Variants in PRKD2 observed in about 807,000 individuals in gnomAD.
The protein encoded by PRKD2 is serine/threonine-protein kinase D2.
A neutral mutation model predicts 86.0 loss-of-function variants in PRKD2; 22 were observed. The ratio of observed to expected loss-of-function variants is 0.26; its 90% CI spans 0.18 to 0.37. The LOEUF (loss-of-function observed/expected upper bound fraction) is 0.37. Among genes scored for constraint, PRKD2 ranks in the 10% least tolerant of loss-of-function variants. PRKD2 has a pLI of 1.00. For synonymous variants in PRKD2, 509 were observed against 510.9 expected (o/e 1.00, Z 0.05); for missense variants, 818 against 1,199.2 (o/e 0.68, Z 4.70).
In PRKD2 at chr19:46,704,282, G is replaced by C. The variant is rs145571238; in HGVS notation, c.776C>G (p.Ser259Cys). ...RPIELDKMLL[S>C]KVKVPHTFLI... Reference sequence around the variant, plus strand: ...GAAGGTGTGCGGCACCTTGACCTTGGAGAGCAGCATCTTGTCCAGCTCAAT... The same window carrying C: ...GAAGGTGTGCGGCACCTTGACCTTGCAGAGCAGCATCTTGTCCAGCTCAAT... The change falls in exon 5 of 18, where the codon TCC becomes TGC. Residue 259 changes from serine (S) to cysteine (C), a missense_variant. Transcript: ENST00000291281. 145 of 1,614,250 alleles carry C rather than the reference G, an allele frequency of 9.0e-5. No individual in the cohort carries two copies. In the African/African-American group the frequency reaches 1.4e-3, roughly 16 times the overall value.
Position 46,678,457 on chromosome 19 carries a change from G to T in PRKD2, c.2277C>A (p.Asp759Glu), listed in dbSNP as rs2053245937. ...ACATGAAGGCGGCGTTCTGGATCTG[G>T]TCATTGATGTCCTCATCCTCGTTGA... Reference protein sequence around the residue: ...FPFNEDEDINDQIQNAAFMYP... With the variant: ...FPFNEDEDINEQIQNAAFMYP... Residue 759 changes from aspartate to glutamate, a missense_variant, in exon 16 of 18, where the codon GAC becomes GAA. Coordinates refer to ENST00000291281, the MANE Select transcript of PRKD2 (RefSeq NM_016457.5). This position sits in a 1 kb window ranked among gnomAD's most constrained non-coding sequence, Gnocchi z 5.7. 6.2e-7 allele frequency: 1 copy of T among 1,614,202 alleles called. No homozygotes were observed. Among genetic ancestry groups the T allele is most frequent in the Non-Finnish European group, 8.5e-7 (1 of 1,180,036 alleles).
chr19:46,690,795 C>T lies in PRKD2; in HGVS notation c.1703-89G>A, dbSNP rs1009946632. ...TCTCCACCTCTGCCAACCTCTGCCCCCCACCATGGAGACAGCCAGAGTTGG... is the reference window on the plus strand; with the variant it reads ...TCTCCACCTCTGCCAACCTCTGCCCTCCACCATGGAGACAGCCAGAGTTGG... On this transcript the variant is annotated intron_variant, in intron 12 of 17. Transcript: ENST00000291281. The T allele has an allele frequency of 3.8e-5, 46 of 1,214,272 alleles. No individual in the cohort carries two copies. The African/African-American group carries it at 5.9e-4, about 16-fold the overall frequency. 75.2% of individuals were successfully genotyped at this position (1,214,272 alleles called of 1,614,324 possible).
chr19:46,701,824 A>G (rs1032171010), intron 5 of PRKD2, among the ~76,000 whole-genome samples: 1 of 151,780 alleles, frequency 6.6e-6, no homozygotes, highest in Admixed American at 6.6e-5. Context: ...TGCATCTCTG[A>G]CTTCTACCTA....
At chr19:46,702,121 C>T (rs1053347833) in intron 5 of PRKD2, among the ~76,000 whole-genome samples, 2 of 151,316 alleles carry the variant, frequency 1.3e-5, no homozygotes, top group African/African-American at 4.9e-5. Flanking sequence ...TCACTGCAAC[C>T]TCTGCCTCCC....
chr19:46,704,312 C>T lies in PRKD2; in HGVS notation c.746G>A (p.Arg249His), dbSNP rs1026152619. The change falls in exon 5 of 18, where the codon CGC (arginine) becomes CAC (histidine). Residue 249 changes from arginine (R) to histidine (H), a missense_variant. This residue lies in a region of PRKD2 where 403 missense variants were observed against 518.6 expected (regional missense o/e 0.78). Transcript: ENST00000291281. The part of the protein sequence containing the change: ...SSSSASSYTG[R>H]PIELDKMLLS... ...CAGCATCTTGTCCAGCTCAATGGGG[C>T]GGCCCGTATACGATGAGGCAGAAGA... The T allele has an allele frequency of 4.3e-6, 7 of 1,614,158 alleles. No individual in the cohort carries two copies. The highest frequency in any genetic ancestry group is 5.9e-6 in the Non-Finnish European group (7 of 1,180,020).
At chr19:46,706,995 A>C (rs1341903425) in intron 3 of PRKD2, among the ~76,000 whole-genome samples, 1 of 151,442 alleles carries the variant, frequency 6.6e-6, no homozygotes, top group Non-Finnish European at 1.5e-5. Context: ...TCAGGTTCAA[A>C]TGATTCTCCT....
At position 46,704,397 on chromosome 19, in the gene PRKD2, G is replaced by A. The variant is rs11083846; in HGVS notation, c.667-6C>T. ...AGTTCGGTGGTGCTACGGCTCTGTC[G>A]TTGGCAAGAATGGAGGGGACACATC... is the stretch of plus-strand genomic sequence containing the variant. On this transcript the variant is annotated splice_polypyrimidine_tract_variant and splice_region_variant and intron_variant, in intron 4 of 17. Transcript: ENST00000291281. 330,384 of 1,613,770 alleles carry A rather than the reference G, an allele frequency of 0.2. 36,625 individuals carry two copies. Among genetic ancestry groups the A allele is most frequent in the Non-Finnish European group, 0.23 (270,328 of 1,179,940 alleles).
At chr19:46,684,030 A>T (rs201078796) in intron 14 of PRKD2, among the ~76,000 whole-genome samples, 1 of 151,452 alleles carries the variant, frequency 6.6e-6, no homozygotes, top group East Asian at 1.9e-4. Flanking sequence ...ACCAGAAGCA[A>T]TTGTACAACT....
chr19:46,687,776 A>C (rs1024589964), intron 14 of PRKD2, among the ~76,000 whole-genome samples: 4 of 152,186 alleles, frequency 2.6e-5, no homozygotes, highest in African/African-American at 9.6e-5. Flanking sequence ...CTCAACACTG[A>C]CCAGCAAGGG....
intron 15 of PRKD2, among the ~76,000 whole-genome samples, chr19:46,680,590 G>A (rs147367451): frequency 5.2e-4 from 78 of 151,398 alleles, no homozygotes; most frequent in African/African-American, 1.8e-3. Context: ...CGCTCAACCA[G>A]AAAACTTTTA....
chr19:46,708,271 C>T (rs1353081805), intron 3 of PRKD2, among the ~76,000 whole-genome samples: 6 of 148,620 alleles, frequency 4.0e-5, no homozygotes, highest in Non-Finnish European at 7.4e-5. Flanking sequence ...TAATTGAGGC[C>T]GAAAGAGTGT....
chr19:46,698,158 G>A (rs2053587921), intron 7 of PRKD2, among the ~76,000 whole-genome samples: 1 of 151,986 alleles, frequency 6.6e-6, no homozygotes, highest in Non-Finnish European at 1.5e-5. Flanking sequence ...TGACCATTAG[G>A]TGCACGCCAC....
At chr19:46,714,373 C>T (rs2053852926) in intron 1 of PRKD2, 1 of 941,066 alleles carries the variant, frequency 1.1e-6, no homozygotes, top group Non-Finnish European at 1.3e-6. Context: ...CGCCCCCCAG[C>T]TTCCTTCCTG....
chr19:46,681,047 G>A (rs1384119700), intron 15 of PRKD2, among the ~76,000 whole-genome samples: 1 of 147,440 alleles, frequency 6.8e-6, no homozygotes, highest in East Asian at 2.0e-4. Flanking sequence ...TCCGCCTCCC[G>A]GGTTCATGCC....
intron 3 of PRKD2, 115 bp downstream of exon 3, chr19:46,710,792 C>A: frequency 8.4e-7 from 1 of 1,186,546 alleles, no homozygotes; most frequent in South Asian, 1.6e-5. Flanking sequence ...AGGCTGCGCC[C>A]CCAGCTCTGA....
intron 13 of PRKD2, 34 bp downstream of exon 13, chr19:46,690,566 A>G: frequency 1.2e-6 from 2 of 1,601,276 alleles, no homozygotes; most frequent in Non-Finnish European, 1.7e-6. Flanking sequence ...CCATGAAAGG[A>G]AGAAGCAGAA....
Position 46,678,526 on chromosome 19 carries a change from T to G in PRKD2, c.2208A>C (p.Ser736=). The change falls in exon 16 of 18, where the codon TCA becomes TCC. Residue 736 remains serine, a synonymous_variant. Transcript: ENST00000291281. The surrounding 1 kb of genome is among the most constrained non-coding windows in gnomAD (Gnocchi z 5.7). ...QGYNRSLDMW[S]VGVIMYVSLS... ...GGCTGACGTACATGATCACGCCCAC[T>G]GACCACATGTCCAGCGAGCGGTTGT... 6.2e-7 allele frequency: 1 copy of G among 1,614,212 alleles called. No homozygotes were observed. Among genetic ancestry groups the G allele is most frequent in the African/African-American group, 1.3e-5 (1 of 75,068 alleles).
Position 46,674,754 on chromosome 19 carries a change from G to T in PRKD2, c.2425-19C>A. On this transcript the variant is annotated intron_variant, in intron 17 of 17. Transcript: ENST00000291281. ...GGTACTCCTGGGCCCGAGAGAACTG[G>T]GGTTAGCTTGGGGTCTGCATTGGAG... The T allele has an allele frequency of 6.3e-7, 1 of 1,597,034 alleles. No individual in the cohort carries two copies.
At chr19:46,684,170 C>A (rs2053360550) in intron 14 of PRKD2, among the ~76,000 whole-genome samples, 1 of 152,050 alleles carries the variant, frequency 6.6e-6, no homozygotes, top group East Asian at 1.9e-4. Context: ...CTATGTTGCC[C>A]AGGCTGGTCT....
Sources: gnomAD v4.1 joint callset for allele counts (sites outside exome capture counted in the v4.1 genomes callset) on GRCh38, gnomAD v4.1.1 for gene constraint, gnomAD v4.1.1 regional missense constraint, Gnocchi (gnomAD v3.1) non-coding constraint, MANE v1.5 for transcripts, NCBI Gene and HGNC (gene_info 2026-07-23, HGNC 2026-07-21) for gene names.